The following SLC25A26 variants were observed in gnomAD, a reference collection of about 807,000 sequenced individuals.
SLC25A26 encodes the protein mitochondrial S-adenosylmethionine carrier protein.
A neutral mutation model predicts 37.8 loss-of-function variants in SLC25A26; 36 were observed. The observed-to-expected ratio is 0.95, with a 90% confidence interval of 0.73 to 1.26. The LOEUF (loss-of-function observed/expected upper bound fraction) is 1.26. Among genes scored for constraint, SLC25A26 ranks in the 50% most tolerant of loss-of-function variants. The pLI is 0.00. For synonymous variants in SLC25A26, 129 were observed against 122.5 expected (o/e 1.05, Z -0.35); for missense variants, 390 against 331.1 (o/e 1.18, Z -1.38).
intron 5 of SLC25A26, among the ~76,000 whole-genome samples, chr3:66,274,956 G>A (rs1386690265): frequency 6.6e-6 from 1 of 152,068 alleles, no homozygotes; most frequent in Non-Finnish European, 1.5e-5. Flanking sequence ...GCAAACGTAT[G>A]TTTATTGCGG....
At chr3:66,356,773 G>C (rs917670250) in intron 6 of SLC25A26, among the ~76,000 whole-genome samples, 4 of 152,078 alleles carry the variant, frequency 2.6e-5, no homozygotes, top group Non-Finnish European at 5.9e-5. Flanking sequence ...GGACTCAGGG[G>C]TGTGCCAACA....
intron 5 of SLC25A26, among the ~76,000 whole-genome samples, chr3:66,294,692 T>TA (rs977753841): frequency 6.6e-6 from 1 of 152,160 alleles, no homozygotes; most frequent in Admixed American, 6.5e-5. Flanking sequence ...ATAGAACTTT[T>TA]AAAAAAATTC....
chr3:66,278,716 A>G (rs1296287001), intron 5 of SLC25A26, among the ~76,000 whole-genome samples: 1 of 152,152 alleles, frequency 6.6e-6, no homozygotes, highest in Non-Finnish European at 1.5e-5. Flanking sequence ...AACTTTCTGC[A>G]TCTTACAACT....
At chr3:66,153,991 G>A (rs976684156) in intron 1 of SLC25A26, among the ~76,000 whole-genome samples, 12 of 152,192 alleles carry the variant, frequency 7.9e-5, no homozygotes, top group African/African-American at 2.9e-4. Flanking sequence ...CGTCAGGAGT[G>A]CGTGGTTTAG....
intron 1 of SLC25A26, among the ~76,000 whole-genome samples, chr3:66,181,780 CTTT>C (rs922019884): frequency 1.0e-5 from 1 of 97,050 alleles, no homozygotes; most frequent in Non-Finnish European, 1.9e-5. Context: ...CTCCCCTTGT[CTTT>C]TTTTTTTTTT....
At chr3:66,156,602 C>G (rs2070285981) in intron 1 of SLC25A26, among the ~76,000 whole-genome samples, 1 of 152,128 alleles carries the variant, frequency 6.6e-6, no homozygotes, top group Non-Finnish European at 1.5e-5. Flanking sequence ...TTGCAATTCT[C>G]CTTATGCTTG....
At chr3:66,134,438 C>A (rs979636388) in intron 1 of SLC25A26, among the ~76,000 whole-genome samples, 2 of 152,118 alleles carry the variant, frequency 1.3e-5, no homozygotes, top group African/African-American at 4.8e-5. Flanking sequence ...CAGAGAAGTG[C>A]CCCCGCACCA....
chr3:66,341,456 A>G (rs1231684625), intron 5 of SLC25A26, among the ~76,000 whole-genome samples: 1 of 152,150 alleles, frequency 6.6e-6, no homozygotes, highest in Non-Finnish European at 1.5e-5. Context: ...AGCCACTTCC[A>G]TCTACACAAA....
chr3:66,359,295 C>T (rs921065879), intron 6 of SLC25A26, among the ~76,000 whole-genome samples: 1 of 152,200 alleles, frequency 6.6e-6, no homozygotes, highest in African/African-American at 2.4e-5. Flanking sequence ...CTTCTGCCCC[C>T]ACCATACCTT....
At position 66,346,448 on chromosome 3, in the gene SLC25A26, A is replaced by G. The variant is rs370595791; in HGVS notation, c.498+40A>G. 4.6e-5 allele frequency: 50 copies of G among 1,096,544 alleles called. 1 individual carries two copies. The East Asian group carries it at 4.7e-4, about 10-fold the overall frequency. The allele number at this position is 1,096,544 out of a possible 1,614,324, so 67.9% of individuals were successfully genotyped here. On this transcript the variant is annotated intron_variant, in intron 6 of 9. Transcript: ENST00000354883. Reference sequence around the variant, plus strand: ...CTTCACATAAAATTTGTCTCTAATTATAACATACCTAATAGTTTGAGTGTG... The same window carrying G: ...CTTCACATAAAATTTGTCTCTAATTGTAACATACCTAATAGTTTGAGTGTG...
chr3:66,242,010 A>G (rs2072609263), intron 2 of SLC25A26, among the ~76,000 whole-genome samples: 1 of 151,958 alleles, frequency 6.6e-6, no homozygotes, highest in African/African-American at 2.4e-5. Flanking sequence ...TTGGAACCTG[A>G]CTGTACTGAC....
At chr3:66,371,308 C>T in intron 9 of SLC25A26, 1 of 1,549,932 alleles carries the variant, frequency 6.5e-7, no homozygotes, top group East Asian at 2.4e-5. Flanking sequence ...GGCAGTGCCA[C>T]CTCCTCATCC....
In SLC25A26 at chr3:66,229,494, C is replaced by G. The variant is rs180850937; in HGVS notation, c.34-7050C>G. On this transcript the variant is annotated intron_variant, in intron 1 of 9. Coordinates refer to ENST00000354883, the MANE Select transcript of SLC25A26 (RefSeq NM_001379210.1). ...TGATGGTGAGTGAGTCTCATGAGAT[C>G]TGATGGTTTTATAAGTGTCTCGCAT... Among the ~76,000 whole-genome samples, 8 of 152,308 alleles carry G rather than the reference C, an allele frequency of 5.3e-5. No individual in the cohort carries two copies. The East Asian group carries it at 1.4e-3, about 26-fold the overall frequency.
intron 1 of SLC25A26, among the ~76,000 whole-genome samples, chr3:66,204,269 C>CA (rs1213126870): frequency 5.9e-5 from 9 of 151,352 alleles, no homozygotes; most frequent in Non-Finnish European, 1.2e-4. Flanking sequence ...GCTTAAAATA[C>CA]AAAAAAATTA....
chr3:66,183,297 C>G (rs1005885029), intron 1 of SLC25A26, among the ~76,000 whole-genome samples: 2 of 152,020 alleles, frequency 1.3e-5, no homozygotes, highest in South Asian at 4.2e-4. Context: ...GTTTCTCACA[C>G]TACCATGACT....
chr3:66,290,799 GT>G lies in SLC25A26; in HGVS notation c.453+27424del, dbSNP rs1189767978. On this transcript the variant is annotated intron_variant, in intron 5 of 9. Coordinates refer to ENST00000354883, the MANE Select transcript of SLC25A26 (RefSeq NM_001379210.1). ...TCTTTTTTTGTTGTGTCTCTGCCAGGTTTTGGTATCAGGATGATGTTGGCCT... is the reference window on the plus strand; with the variant it reads ...TCTTTTTTTGTTGTGTCTCTGCCAGGTTTGGTATCAGGATGATGTTGGCCT... 5.3e-5 allele frequency among the ~76,000 whole-genome samples: 8 copies of G among 152,126 alleles called. No homozygotes were observed. The East Asian group carries it at 1.5e-3, about 29-fold the overall frequency.
At chr3:66,259,205 TCC>T (rs1336631338) in intron 3 of SLC25A26, among the ~76,000 whole-genome samples, 7 of 152,228 alleles carry the variant, frequency 4.6e-5, no homozygotes, top group Admixed American at 3.9e-4. Flanking sequence ...TGTACCGCCT[TCC>T]AGTGTTGCTT....
At chr3:66,238,569 G>C (rs961615125) in intron 2 of SLC25A26, among the ~76,000 whole-genome samples, 2 of 151,984 alleles carry the variant, frequency 1.3e-5, no homozygotes, top group African/African-American at 4.8e-5. Flanking sequence ...TTTTAGTAGA[G>C]ACGGGGTTTC....
chr3:66,296,636 G>A (rs1259343227), intron 5 of SLC25A26, among the ~76,000 whole-genome samples: 2 of 152,130 alleles, frequency 1.3e-5, no homozygotes, highest in Non-Finnish European at 2.9e-5. Flanking sequence ...GAAGATAAAT[G>A]TCTGCTTTAC....
Sources: allele counts gnomAD v4.1 joint callset (sites outside exome capture counted in the v4.1 genomes callset), GRCh38; gene constraint gnomAD v4.1.1; transcripts MANE v1.5; gene names NCBI Gene and HGNC (gene_info 2026-07-23, HGNC 2026-07-21).